Variants in LRRC4C observed in about 807,000 individuals in gnomAD.
LRRC4C encodes the protein leucine-rich repeat-containing protein 4C.
LRRC4C carries 5 observed loss-of-function variants against 33.6 expected under a neutral mutation model. The ratio of observed to expected loss-of-function variants is 0.15; its 90% CI spans 0.08 to 0.31. The LOEUF is 0.31. Ranked by LOEUF, LRRC4C falls within the 10% of genes least tolerant of loss-of-function variation. The pLI is 1.00. For synonymous variants in LRRC4C, 329 were observed against 302.0 expected (o/e 1.09, Z -0.93); for missense variants, 560 against 796.7 (o/e 0.70, Z 3.58).
At chr11:41,441,962 A>T (rs1335729280) in intron 1 of LRRC4C, among the ~76,000 whole-genome samples, 2 of 152,308 alleles carry the variant, frequency 1.3e-5, no homozygotes, top group East Asian at 3.9e-4. Flanking sequence ...TAATGCAATC[A>T]TCATTAGTAT....
intron 2 of LRRC4C, among the ~76,000 whole-genome samples, chr11:40,686,969 A>C (rs989350506): frequency 2.0e-5 from 3 of 152,106 alleles, no homozygotes; most frequent in African/African-American, 7.2e-5. Context: ...GGCCACACGC[A>C]AGACTTCCTG....
chr11:40,627,074 G>GTTT (rs33969300), intron 3 of LRRC4C, among the ~76,000 whole-genome samples: 4 of 112,434 alleles, frequency 3.6e-5, no homozygotes, highest in East Asian at 2.7e-4. Flanking sequence ...CAGCTATACT[G>GTTT]TTTTTTTTTT....
intron 2 of LRRC4C, among the ~76,000 whole-genome samples, chr11:40,654,574 T>A (rs183508497): frequency 2.0e-5 from 3 of 152,330 alleles, no homozygotes; most frequent in African/African-American, 7.2e-5. Flanking sequence ...TCCCATTGTA[T>A]CTAGGAAGTG....
At chr11:40,161,637 C>T (rs1859163739) in intron 5 of LRRC4C, among the ~76,000 whole-genome samples, 1 of 152,000 alleles carries the variant, frequency 6.6e-6, no homozygotes, top group Non-Finnish European at 1.5e-5. Flanking sequence ...TGCCTGTAGT[C>T]CTAACTACTC....
At chr11:40,246,244 G>T (rs1021951437) in intron 4 of LRRC4C, among the ~76,000 whole-genome samples, 3 of 152,008 alleles carry the variant, frequency 2.0e-5, no homozygotes, top group African/African-American at 4.8e-5. Flanking sequence ...AAAGTGCTGC[G>T]ATTACAGGCA....
chr11:40,334,812 C>T (rs1946525828), intron 3 of LRRC4C, among the ~76,000 whole-genome samples: 1 of 151,926 alleles, frequency 6.6e-6, no homozygotes, highest in Non-Finnish European at 1.5e-5. Flanking sequence ...TTCCTTCTTC[C>T]CTCACTCCTG....
chr11:41,091,924 T>C (rs1278775176), intron 1 of LRRC4C, among the ~76,000 whole-genome samples: 1 of 151,930 alleles, frequency 6.6e-6, no homozygotes, highest in African/African-American at 2.4e-5. Context: ...GAGTAGAAAA[T>C]CAATGGGATA....
At chr11:41,123,792 G>A (rs1214125316) in intron 1 of LRRC4C, among the ~76,000 whole-genome samples, 3 of 152,126 alleles carry the variant, frequency 2.0e-5, no homozygotes, top group Admixed American at 6.5e-5. Flanking sequence ...AATATTCTGG[G>A]TGTGTGGTTT....
chr11:40,474,734 C>T (rs1166222394), intron 3 of LRRC4C, among the ~76,000 whole-genome samples: 2 of 152,066 alleles, frequency 1.3e-5, no homozygotes, highest in Admixed American at 1.3e-4. Flanking sequence ...AACAAATTTA[C>T]AAGAAAACAA....
At chr11:41,285,125 C>T (rs752706561) in intron 1 of LRRC4C, among the ~76,000 whole-genome samples, 2 of 152,122 alleles carry the variant, frequency 1.3e-5, no homozygotes, top group African/African-American at 4.8e-5. Context: ...CAACTTGGCA[C>T]AATGTCTGGT....
chr11:41,123,477 T>G (rs1942577537), intron 1 of LRRC4C, among the ~76,000 whole-genome samples: 1 of 150,816 alleles, frequency 6.6e-6, no homozygotes, highest in African/African-American at 2.4e-5. Context: ...TTTCACCGTT[T>G]TAGCCGGGAT....
intron 3 of LRRC4C, among the ~76,000 whole-genome samples, chr11:40,389,759 A>G (rs955303679): frequency 6.6e-6 from 1 of 152,162 alleles, no homozygotes; most frequent in Non-Finnish European, 1.5e-5. Flanking sequence ...TTTTACTACT[A>G]TTTTACTCAT....
intron 2 of LRRC4C, among the ~76,000 whole-genome samples, chr11:40,669,558 G>T (rs1468083372): frequency 6.6e-6 from 1 of 152,130 alleles, no homozygotes; most frequent in Non-Finnish European, 1.5e-5. Context: ...TTGGTAATCT[G>T]TTCTGTTGTT....
intron 1 of LRRC4C, among the ~76,000 whole-genome samples, chr11:41,159,190 T>C (rs1944358409): frequency 6.6e-6 from 1 of 152,066 alleles, no homozygotes; most frequent in South Asian, 2.1e-4. Flanking sequence ...TTTGTGAGGC[T>C]AAATGTAGGA....
At chr11:40,891,767 T>G (rs1955716557) in intron 2 of LRRC4C, among the ~76,000 whole-genome samples, 1 of 152,082 alleles carries the variant, frequency 6.6e-6, no homozygotes, top group Admixed American at 6.6e-5. Context: ...GTGGTGAATA[T>G]GTGGAGAAAG....
At chr11:40,886,439 A>G (rs1955460057) in intron 2 of LRRC4C, among the ~76,000 whole-genome samples, 1 of 149,250 alleles carries the variant, frequency 6.7e-6, no homozygotes, top group Admixed American at 6.7e-5. Context: ...ACACACACGC[A>G]CACACTCTCA....
chr11:41,135,931 C>T (rs1184841125), intron 1 of LRRC4C, among the ~76,000 whole-genome samples: 1 of 152,112 alleles, frequency 6.6e-6, no homozygotes, highest in East Asian at 1.9e-4. Flanking sequence ...GAGTGCATGC[C>T]CTTTGCACCA....
intron 1 of LRRC4C, among the ~76,000 whole-genome samples, chr11:41,051,547 A>AAAAAAAAAAAAAAAAAAAAT (rs1858220640): frequency 7.1e-6 from 1 of 141,682 alleles, no homozygotes; most frequent in Non-Finnish European, 1.5e-5. Context: ...AAAAAAAAAA[A>AAAAAAAAAAAAAAAAAAAAT]AAAAAAGGAA....
At chr11:40,152,233 G>A (rs984175084) in intron 5 of LRRC4C, among the ~76,000 whole-genome samples, 2 of 152,180 alleles carry the variant, frequency 1.3e-5, no homozygotes, top group African/African-American at 4.8e-5. Context: ...AACTTTACCT[G>A]GAGCTCAGTC....
Sources: gnomAD v4.1 joint callset for allele counts (sites outside exome capture counted in the v4.1 genomes callset) on GRCh38, gnomAD v4.1.1 for gene constraint, MANE v1.5 for transcripts, NCBI Gene and HGNC (gene_info 2026-07-23, HGNC 2026-07-21) for gene names.